The following PAPSS1 variants were observed in gnomAD, a reference collection of about 807,000 sequenced individuals.
PAPSS1 encodes bifunctional 3'-phosphoadenosine 5'-phosphosulfate synthase 1.
PAPSS1 carries 50 observed loss-of-function variants against 72.0 expected under a neutral mutation model. The observed-to-expected ratio is 0.69, with a 90% CI of 0.55 to 0.88. PAPSS1 has a LOEUF of 0.88. Ranked by LOEUF, PAPSS1 falls within the 40% of genes least tolerant of loss-of-function variation. The pLI is 0.00. For missense variants in PAPSS1, 657 were observed against 782.2 expected (o/e 0.84, Z 1.91); for synonymous variants, 261 against 263.6 (o/e 0.99, Z 0.09).
chr4:107,711,516 A>G (rs1299882843), intron 1 of PAPSS1, among the ~76,000 whole-genome samples: 1 of 152,220 alleles, frequency 6.6e-6, no homozygotes, highest in Non-Finnish European at 1.5e-5. Flanking sequence ...TTTTAAGTGA[A>G]ATGTATAAAG....
intron 1 of PAPSS1, among the ~76,000 whole-genome samples, chr4:107,704,742 G>C (rs927175943): frequency 2.6e-5 from 4 of 152,104 alleles, no homozygotes; most frequent in Admixed American, 6.5e-5. Flanking sequence ...CCTGAGGTCA[G>C]GGGTTTGAGA....
chr4:107,627,607 T>C (rs1726131647), intron 11 of PAPSS1, among the ~76,000 whole-genome samples: 1 of 152,182 alleles, frequency 6.6e-6, no homozygotes, highest in Non-Finnish European at 1.5e-5. Context: ...TGGCCTACCA[T>C]AAAAGGGCAG....
chr4:107,718,313 G>C (rs537694875), intron 1 of PAPSS1: 1 of 152,058 alleles, frequency 6.6e-6, no homozygotes, highest in African/African-American at 2.4e-5. Flanking sequence ...AGAGCATCAC[G>C]GAGCCCCAGC....
At chr4:107,703,849 A>C (rs1289556376) in intron 1 of PAPSS1, among the ~76,000 whole-genome samples, 5 of 152,184 alleles carry the variant, frequency 3.3e-5, no homozygotes, top group Non-Finnish European at 5.9e-5. Flanking sequence ...TTGTGGTTCC[A>C]TACAAATTTT....
At chr4:107,688,145 G>A (rs983429170) in intron 3 of PAPSS1, among the ~76,000 whole-genome samples, 1 of 151,836 alleles carries the variant, frequency 6.6e-6, no homozygotes, top group African/African-American at 2.4e-5. Flanking sequence ...ACTCCTACAG[G>A]ACCTGTTCAA....
chr4:107,621,342 T>C (rs1725948400), intron 11 of PAPSS1, among the ~76,000 whole-genome samples: 1 of 152,144 alleles, frequency 6.6e-6, no homozygotes, highest in South Asian at 2.1e-4. Flanking sequence ...CAAAACTCTA[T>C]TATATTATAA....
chr4:107,691,314 G>A (rs1357336567), intron 3 of PAPSS1, among the ~76,000 whole-genome samples: 1 of 152,072 alleles, frequency 6.6e-6, no homozygotes, highest in Non-Finnish European at 1.5e-5. Context: ...CATGACTTAC[G>A]TAATCTTCAG....
chr4:107,713,211 G>C (rs577053904), intron 1 of PAPSS1, among the ~76,000 whole-genome samples: 2 of 152,116 alleles, frequency 1.3e-5, no homozygotes, highest in South Asian at 4.1e-4. Flanking sequence ...CATTATCCTA[G>C]GTGACAAAAG....
intron 4 of PAPSS1, among the ~76,000 whole-genome samples, chr4:107,684,415 A>T (rs997718040): frequency 1.3e-5 from 2 of 152,200 alleles, no homozygotes; most frequent in Admixed American, 6.5e-5. Flanking sequence ...CATATTTTGA[A>T]ATGGCCCTGC....
intron 11 of PAPSS1, among the ~76,000 whole-genome samples, chr4:107,624,188 A>T (rs1331910713): frequency 6.6e-6 from 1 of 152,216 alleles, no homozygotes; most frequent in East Asian, 1.9e-4. Context: ...CCTTTTGTCC[A>T]GAATACTATT....
At chr4:107,638,656 C>T (rs566423304) in intron 10 of PAPSS1, among the ~76,000 whole-genome samples, 1 of 151,698 alleles carries the variant, frequency 6.6e-6, no homozygotes, top group South Asian at 2.1e-4. Context: ...CTCTGCCCTC[C>T]CACTGATTAT....
At chr4:107,695,146 T>C (rs1387351765) in intron 2 of PAPSS1, among the ~76,000 whole-genome samples, 5 of 152,200 alleles carry the variant, frequency 3.3e-5, no homozygotes, top group African/African-American at 1.2e-4. Context: ...TTTCCATTTG[T>C]TTGTGTCCTC....
At chr4:107,675,079 C>G (rs547779810) in intron 5 of PAPSS1, among the ~76,000 whole-genome samples, 129 of 152,110 alleles carry the variant, frequency 8.5e-4, no homozygotes, top group African/African-American at 2.8e-3. Flanking sequence ...CAAGGAAAAG[C>G]AGGAAAGATC....
At chr4:107,623,795 G>A (rs1486998361) in intron 11 of PAPSS1, among the ~76,000 whole-genome samples, 2 of 152,172 alleles carry the variant, frequency 1.3e-5, no homozygotes, top group Non-Finnish European at 2.9e-5. Context: ...AGTTTTACCA[G>A]GGCAAAAGCA....
intron 5 of PAPSS1, among the ~76,000 whole-genome samples, chr4:107,678,281 A>T (rs949027749): frequency 2.2e-4 from 33 of 152,136 alleles, no homozygotes; most frequent in Admixed American, 2.0e-3. Flanking sequence ...CTAGAACTAG[A>T]ATTTTATGCA....
At chr4:107,667,373 C>T (rs1032981905) in intron 5 of PAPSS1, among the ~76,000 whole-genome samples, 1 of 152,094 alleles carries the variant, frequency 6.6e-6, no homozygotes, top group Non-Finnish European at 1.5e-5. Flanking sequence ...GTGAGTTGTC[C>T]TAGCCAATGA....
At position 107,684,938 on chromosome 4, in the gene PAPSS1, C is replaced by G. The variant is rs59338265; in HGVS notation, c.550+2101G>C. Among the ~76,000 whole-genome samples the G allele has an allele frequency of 4.4e-3, 669 of 152,076 alleles. 2 individuals carry two copies. The highest frequency in any genetic ancestry group is 0.015 in the African/African-American group (629 of 41,474). On this transcript the variant is annotated intron_variant, in intron 4 of 11. Coordinates refer to ENST00000265174, the MANE Select transcript of PAPSS1 (RefSeq NM_005443.5). Reference sequence around the variant, plus strand: ...TTTTTTTTTTTTAGATGGAGTCTCGCTCTGTCGCCCAGGCTAGAGTGCAGT... The same window carrying G: ...TTTTTTTTTTTTAGATGGAGTCTCGGTCTGTCGCCCAGGCTAGAGTGCAGT...
intron 5 of PAPSS1, among the ~76,000 whole-genome samples, chr4:107,674,384 T>C (rs1278638488): frequency 6.6e-6 from 1 of 152,206 alleles, no homozygotes; most frequent in East Asian, 1.9e-4. Flanking sequence ...GTTGCAATCC[T>C]AGTCTCTGAT....
intron 2 of PAPSS1, among the ~76,000 whole-genome samples, chr4:107,698,594 T>C (rs1723131143): frequency 6.6e-6 from 1 of 152,104 alleles, no homozygotes; most frequent in South Asian, 2.1e-4. Flanking sequence ...GAGTAACTAT[T>C]GACTGCAGCA....
Sources: allele counts gnomAD v4.1 joint callset (sites outside exome capture counted in the v4.1 genomes callset), GRCh38; gene constraint gnomAD v4.1.1; transcripts MANE v1.5; gene names NCBI Gene and HGNC (gene_info 2026-07-23, HGNC 2026-07-21).